KLF12: variants seen among roughly 807,000 people sequenced by gnomAD.
The protein encoded by KLF12 is Krueppel-like factor 12.
KLF12 carries 9 observed loss-of-function variants against 37.8 expected under a neutral mutation model. That is an observed-to-expected ratio of 0.24 (90% CI 0.14 to 0.42). The LOEUF (loss-of-function observed/expected upper bound fraction) is 0.42. KLF12 is among the 10% of genes least tolerant of loss of function. The probability of loss-of-function intolerance (pLI) is 1.00; values close to 1 mark genes in which losing one functional copy is unlikely to be tolerated. For missense variants in KLF12, 411 were observed against 516.0 expected, an observed-to-expected ratio of 0.80 and a Z score of 1.97; for synonymous variants, 208 against 202.1, an observed-to-expected ratio of 1.03 and a Z score of -0.25.
chr13:73,855,627 G>A (rs2138758089), intron 3 of KLF12, among the ~76,000 whole-genome samples: 1 of 152,176 alleles, frequency 6.6e-6, no homozygotes, highest in East Asian at 1.9e-4. Flanking sequence ...GGGATTGCTG[G>A]GCCGAATGGT....
intron 1 of KLF12, among the ~76,000 whole-genome samples, chr13:74,016,350 T>G (rs1892688447): frequency 6.6e-6 from 1 of 152,100 alleles, no homozygotes; most frequent in African/African-American, 2.4e-5. Context: ...GTATCTGGAA[T>G]TCCAGATTTG....
intron 5 of KLF12, among the ~76,000 whole-genome samples, chr13:73,791,745 A>T (rs1881700051): frequency 6.6e-6 from 1 of 152,164 alleles, no homozygotes; most frequent in Non-Finnish European, 1.5e-5. Context: ...TTTCTTCTGA[A>T]ATGGAAAAGG....
chr13:73,896,322 T>A (rs1887767483), intron 3 of KLF12, among the ~76,000 whole-genome samples: 1 of 152,240 alleles, frequency 6.6e-6, no homozygotes, highest in Non-Finnish European at 1.5e-5. Context: ...AAATTTTGGA[T>A]GAGAAACAGT....
chr13:73,974,514 A>G (rs1470811259), intron 2 of KLF12, among the ~76,000 whole-genome samples: 1 of 152,208 alleles, frequency 6.6e-6, no homozygotes, highest in Non-Finnish European at 1.5e-5. Flanking sequence ...AATATATTTA[A>G]AGATGCAAGA....
At chr13:73,777,649 G>C (rs186641871) in intron 5 of KLF12, among the ~76,000 whole-genome samples, 1 of 151,070 alleles carries the variant, frequency 6.6e-6, no homozygotes, top group East Asian at 2.0e-4. Flanking sequence ...CAGAGGTTGC[G>C]GTGAGCCAAG....
chr13:73,773,572 A>G lies in KLF12; in HGVS notation c.807-8572T>C, dbSNP rs530581312. Reference sequence around the variant, plus strand: ...CAGGGATGGCTATGACACTATGTCCATTATATCTGTGTTCCATTTCCACAG... The same window carrying G: ...CAGGGATGGCTATGACACTATGTCCGTTATATCTGTGTTCCATTTCCACAG... On this transcript the variant is annotated intron_variant, in intron 5 of 7. Transcript: ENST00000377669. 1.1e-3 allele frequency among the ~76,000 whole-genome samples: 140 copies of G among 126,214 alleles called. 3 individuals carry two copies. The South Asian group carries it at 0.033, about 30-fold the overall frequency. 82.8% of individuals were successfully genotyped at this position (126,214 alleles called of 152,430 possible).
the KLF12 span, among the ~76,000 whole-genome samples, chr13:74,160,897 A>G: frequency 1.3e-5 from 2 of 152,246 alleles, no homozygotes; most frequent in Non-Finnish European, 2.9e-5. Context: ...AGAGATGGGA[A>G]TAGGTCCTCT....
intron 6 of KLF12, among the ~76,000 whole-genome samples, chr13:73,748,603 G>A (rs2137948727): frequency 6.6e-6 from 1 of 152,304 alleles, no homozygotes; most frequent in East Asian, 1.9e-4. Context: ...TCACCAGATG[G>A]CTTGCTGTTG....
At chr13:74,166,298 C>T in the KLF12 span, among the ~76,000 whole-genome samples, 1 of 151,884 alleles carries the variant, frequency 6.6e-6, no homozygotes, top group Non-Finnish European at 1.5e-5. Flanking sequence ...TGCCATGTTG[C>T]CTAGGGAGGT....
At chr13:73,927,888 T>A (rs1433581713) in intron 3 of KLF12, among the ~76,000 whole-genome samples, 1 of 134,458 alleles carries the variant, frequency 7.4e-6, no homozygotes, top group Non-Finnish European at 1.5e-5. Context: ...AGACAGAGTC[T>A]CACTCTGTCA....
the KLF12 span, among the ~76,000 whole-genome samples, chr13:74,202,899 G>C: frequency 6.6e-6 from 1 of 152,246 alleles, no homozygotes; most frequent in South Asian, 2.1e-4. Flanking sequence ...GGTAGGAAAG[G>C]CTTGGGTGGG....
chr13:73,892,788 A>G (rs1318043222), intron 3 of KLF12, among the ~76,000 whole-genome samples: 5 of 152,218 alleles, frequency 3.3e-5, no homozygotes, highest in African/African-American at 9.6e-5. Context: ...TATTCGTAGT[A>G]TATGCACAGA....
rs1594202604 is a variant in KLF12 at position 73,877,226 on chromosome 13, C to T, written c.124-30853G>A. On this transcript the variant is annotated intron_variant, in intron 3 of 7. Coordinates refer to ENST00000377669, the MANE Select transcript of KLF12 (RefSeq NM_007249.5). ...TCCTCTCCAAATTTAAATGTTATTA[C>T]AGTCTAATACTTCAGCTCTATCATT... 2.6e-5 allele frequency among the ~76,000 whole-genome samples: 4 copies of T among 152,234 alleles called. No homozygotes were observed. The South Asian group carries it at 8.3e-4, about 32-fold the overall frequency.
intron 3 of KLF12, among the ~76,000 whole-genome samples, chr13:73,913,693 A>G (rs1055151013): frequency 2.6e-5 from 4 of 152,204 alleles, no homozygotes; most frequent in African/African-American, 7.2e-5. Context: ...CTTGGCAAAA[A>G]GACAGAAACC....
the KLF12 span, among the ~76,000 whole-genome samples, chr13:74,197,180 C>G: frequency 6.6e-6 from 1 of 152,080 alleles, no homozygotes; most frequent in Admixed American, 6.6e-5. Context: ...TAGAATTATT[C>G]ATATGGTTAT....
At chr13:74,050,152 GA>G (rs541935210) in intron 1 of KLF12, among the ~76,000 whole-genome samples, 3 of 149,980 alleles carry the variant, frequency 2.0e-5, no homozygotes, top group African/African-American at 2.4e-5. Context: ...CAGAGAGAAA[GA>G]AAAAAAAAGA....
the KLF12 span, among the ~76,000 whole-genome samples, chr13:74,157,468 A>T: frequency 1.3e-5 from 2 of 152,182 alleles, no homozygotes; most frequent in Non-Finnish European, 2.9e-5. Flanking sequence ...CCTAGACTTA[A>T]CGGTTTAACT....
intron 1 of KLF12, among the ~76,000 whole-genome samples, chr13:74,014,154 C>T (rs1200936527): frequency 6.6e-6 from 1 of 152,166 alleles, no homozygotes; most frequent in Non-Finnish European, 1.5e-5. Flanking sequence ...CAGCACAAGG[C>T]CATTTGGATT....
At chr13:73,815,352 G>C (rs1312927643) in intron 4 of KLF12, among the ~76,000 whole-genome samples, 1 of 152,152 alleles carries the variant, frequency 6.6e-6, no homozygotes, top group Non-Finnish European at 1.5e-5. Flanking sequence ...ACAGAAATTG[G>C]CTCAGGCTAA....
Sources: allele counts gnomAD v4.1 joint callset (sites outside exome capture counted in the v4.1 genomes callset), GRCh38; gene constraint gnomAD v4.1.1; transcripts MANE v1.5; gene names NCBI Gene and HGNC (gene_info 2026-07-23, HGNC 2026-07-21).